Variants in ZNF718 observed in about 807,000 individuals in gnomAD.
ZNF718 encodes zinc finger protein 718.
In ZNF718, 3 loss-of-function variants were observed where a neutral mutation model predicts 2.6. The ratio of observed to expected loss-of-function variants is 1.16; its 90% CI spans 0.53 to 3.01. ZNF718 has a LOEUF of 3.01. Among genes scored for constraint, ZNF718 ranks in the 30% most tolerant of loss-of-function variants. The pLI is 0.03. For missense variants in ZNF718, 468 were observed against 230.0 expected, an observed-to-expected ratio of 2.03 and a Z score of -6.69; for synonymous variants, 135 against 77.9, an observed-to-expected ratio of 1.73 and a Z score of -3.86.
intron 3 of ZNF718, among the ~76,000 whole-genome samples, chr4:157,640 T>C (rs897155134): frequency 1.3e-5 from 2 of 152,182 alleles, no homozygotes; most frequent in South Asian, 4.1e-4. Context: ...CTTTCTATAA[T>C]TATGTAAGAT....
chr4:174,228 T>C (rs1215289526), intron 3 of ZNF718, among the ~76,000 whole-genome samples: 1 of 152,162 alleles, frequency 6.6e-6, no homozygotes, highest in East Asian at 1.9e-4. Context: ...TGTAACTTTT[T>C]CTTACAAATT....
At chr4:138,525 T>G (rs1715673763) in intron 3 of ZNF718, among the ~76,000 whole-genome samples, 1 of 152,204 alleles carries the variant, frequency 6.6e-6, no homozygotes, top group Non-Finnish European at 1.5e-5. Flanking sequence ...CTTTGTCCAT[T>G]CATGTAAGGG....
intron 3 of ZNF718, among the ~76,000 whole-genome samples, chr4:150,776 T>C (rs941522208): frequency 2.0e-5 from 3 of 152,276 alleles, no homozygotes; most frequent in Middle Eastern, 6.8e-3. Flanking sequence ...GTAGAACTTT[T>C]ATATGCTCCA....
intron 3 of ZNF718, among the ~76,000 whole-genome samples, chr4:171,126 G>C (rs1019427244): frequency 2.6e-5 from 4 of 152,178 alleles, no homozygotes; most frequent in African/African-American, 7.2e-5. Context: ...GACCCTCTTT[G>C]CCTGGGTATC....
At chr4:185,191 G>A (rs1439554183) in intron 3 of ZNF718, among the ~76,000 whole-genome samples, 4 of 152,078 alleles carry the variant, frequency 2.6e-5, no homozygotes, top group African/African-American at 9.7e-5. Flanking sequence ...AGAGATTCTG[G>A]TACATTGTCT....
chr4:173,322 A>G (rs1296251147), intron 3 of ZNF718, among the ~76,000 whole-genome samples: 2 of 152,210 alleles, frequency 1.3e-5, no homozygotes, highest in East Asian at 3.8e-4. Flanking sequence ...CGTTAATACA[A>G]ATTTATTTAT....
chr4:176,130 C>A (rs1257706057), intron 3 of ZNF718, among the ~76,000 whole-genome samples: 2 of 152,226 alleles, frequency 1.3e-5, no homozygotes, highest in East Asian at 3.9e-4. Context: ...TGCCCACAAC[C>A]TTTTAGAACT....
rs1553815009 is a variant in ZNF718, at chr4:161,223, T to C, written c.538T>C (p.Phe180Leu). ...TFKCKECGKSFHVLSRLTQHK... is the reference protein window; with the variant it reads ...TFKCKECGKSLHVLSRLTQHK... ...TAAATGTAAAGAATGTGGCAAATCA[T>C]TTCACGTGCTCTCACGCCTAACTCA... Residue 180 changes from phenylalanine (F) to leucine (L), a missense_variant, in exon 4 of 4, where the codon TTT becomes CTT. By Grantham distance (22) the Phe-to-Leu change is conservative. Transcript: ENST00000510175. 1.3e-6 allele frequency: 1 copy of C among 774,858 alleles called. No homozygotes were observed. The highest frequency in any genetic ancestry group is 2.4e-6 in the Non-Finnish European group (1 of 416,152). The allele number at this position is 774,858 out of a possible 1,614,324, so 48.0% of individuals were successfully genotyped here.
intron 3 of ZNF718, among the ~76,000 whole-genome samples, chr4:137,533 T>G (rs1274014179): frequency 6.6e-6 from 1 of 152,232 alleles, no homozygotes; most frequent in African/African-American, 2.4e-5. Context: ...GTTTGCTTGA[T>G]ATTGGCCATT....
chr4:141,828 A>G (rs1715824598), intron 3 of ZNF718, among the ~76,000 whole-genome samples: 2 of 152,212 alleles, frequency 1.3e-5, no homozygotes, highest in African/African-American at 4.8e-5. Flanking sequence ...ACAATACAAT[A>G]CAATTAAAGC....
At chr4:167,442 G>A (rs1298729115), downstream of ZNF718, among the ~76,000 whole-genome samples, 3 of 152,170 alleles carry the variant, frequency 2.0e-5, no homozygotes, top group Non-Finnish European at 2.9e-5. Context: ...ACCTTGGGCA[G>A]TATGGCCATT....
chr4:195,213 G>A (rs1553821850), intron 3 of ZNF718, among the ~76,000 whole-genome samples: 1 of 152,236 alleles, frequency 6.6e-6, no homozygotes, highest in African/African-American at 2.4e-5. Context: ...AACCTTTTGA[G>A]TCAGGATTGA....
chr4:170,002 TTTTTAGTGCTTCC>T (rs782679242), intron 3 of ZNF718, among the ~76,000 whole-genome samples: 29 of 152,304 alleles, frequency 1.9e-4, no homozygotes, highest in South Asian at 2.1e-4. Context: ...TTCCTTTCCA[TTTTTAGTGCTTCC>T]TTCAGGAGCT....
intron 3 of ZNF718, among the ~76,000 whole-genome samples, chr4:138,452 T>A (rs1228436403): frequency 1.3e-5 from 2 of 152,238 alleles, no homozygotes; most frequent in Non-Finnish European, 2.9e-5. Flanking sequence ...TTGTTGAAGA[T>A]GATGGGATCT....
intron 3 of ZNF718, among the ~76,000 whole-genome samples, chr4:147,655 G>A (rs1716127246): frequency 6.6e-6 from 1 of 152,168 alleles, no homozygotes; most frequent in Non-Finnish European, 1.5e-5. Context: ...CCTCAGCTCA[G>A]GAGTTCGAGA....
chr4:176,993 C>G (rs1447666478), intron 3 of ZNF718, among the ~76,000 whole-genome samples: 2 of 152,216 alleles, frequency 1.3e-5, no homozygotes, highest in African/African-American at 4.8e-5. Context: ...CTCTGCCTCT[C>G]TGCAAATTGG....
chr4:169,031 C>T (rs1553817482), downstream of ZNF718, among the ~76,000 whole-genome samples: 2 of 152,044 alleles, frequency 1.3e-5, no homozygotes, highest in Non-Finnish European at 2.9e-5. Flanking sequence ...TGAATGTGTC[C>T]CAGAGATTCT....
intron 3 of ZNF718, among the ~76,000 whole-genome samples, chr4:186,288 T>C (rs536573502): frequency 6.6e-6 from 1 of 152,310 alleles, no homozygotes; most frequent in South Asian, 2.1e-4. Context: ...ATTTCTTTTC[T>C]TTAAGAATGT....
chr4:124,697 C>T, intron 1 of ZNF718, 24 bp downstream of exon 1: 1 of 1,608,818 alleles, frequency 6.2e-7, no homozygotes, highest in Non-Finnish European at 8.5e-7. Flanking sequence ...GCAGGGCGTC[C>T]CAAGGCTGTG....
Sources: gnomAD v4.1 joint callset for allele counts (sites outside exome capture counted in the v4.1 genomes callset) on GRCh38, gnomAD v4.1.1 for gene constraint, MANE v1.5 for transcripts, NCBI Gene and HGNC (gene_info 2026-07-23, HGNC 2026-07-21) for gene names.